The following MAML3 variants were observed in gnomAD, a reference collection of about 807,000 sequenced individuals.
The protein encoded by MAML3 is mastermind-like protein 3.
In MAML3, 27 loss-of-function variants were observed where a neutral mutation model predicts 101.9. That is an observed-to-expected ratio of 0.27 (90% CI 0.20 to 0.37). MAML3 has a LOEUF of 0.37. Ranked by LOEUF, MAML3 falls within the 10% of genes least tolerant of loss-of-function variation. The probability of loss-of-function intolerance (pLI) is 1.00; values close to 1 mark genes in which losing one functional copy is unlikely to be tolerated. For synonymous variants in MAML3, 501 were observed against 555.9 expected (o/e 0.90, Z 1.39); for missense variants, 1,316 against 1,444.9 (o/e 0.91, Z 1.45).
At chr4:139,895,797 G>T (rs1395266439) in intron 1 of MAML3, among the ~76,000 whole-genome samples, 1 of 152,236 alleles carries the variant, frequency 6.6e-6, no homozygotes, top group African/African-American at 2.4e-5. Flanking sequence ...AACAGCAGAG[G>T]CTAGATCGTT....
intron 1 of MAML3, among the ~76,000 whole-genome samples, chr4:140,076,340 C>G (rs542815830): frequency 6.6e-6 from 1 of 152,044 alleles, no homozygotes; most frequent in East Asian, 1.9e-4. Flanking sequence ...TAATTTTGTA[C>G]GTTCAAAGTG....
At chr4:140,006,280 G>A (rs1330962345) in intron 1 of MAML3, among the ~76,000 whole-genome samples, 1 of 152,080 alleles carries the variant, frequency 6.6e-6, no homozygotes, top group Non-Finnish European at 1.5e-5. Flanking sequence ...GTATTAGAGT[G>A]AACAAGAAGT....
intron 1 of MAML3, among the ~76,000 whole-genome samples, chr4:139,965,200 G>GT (rs34595097): frequency 0.022 from 3,118 of 139,262 alleles, 71 homozygotes; most frequent in African/African-American, 0.061. Flanking sequence ...CTCCCTGCTA[G>GT]TTTTTTTTTT....
chr4:139,861,388 C>T (rs17367750), intron 2 of MAML3, among the ~76,000 whole-genome samples: 40,677 of 151,772 alleles, frequency 0.27, 6,868 homozygotes, highest in East Asian at 0.68. Context: ...CTTGCCTCAC[C>T]ATCTGAAATT....
chr4:139,772,089 A>G (rs1448545241), intron 2 of MAML3, among the ~76,000 whole-genome samples: 1 of 151,252 alleles, frequency 6.6e-6, no homozygotes, highest in African/African-American at 2.4e-5. Context: ...AAATACAAAA[A>G]ATTAGCTGGG....
intron 2 of MAML3, among the ~76,000 whole-genome samples, chr4:139,801,313 T>C (rs1730600153): frequency 6.6e-6 from 1 of 152,214 alleles, no homozygotes; most frequent in South Asian, 2.1e-4. Flanking sequence ...GAATTATTTG[T>C]TTTTCATCTG....
At chr4:140,141,621 G>A (rs1177907167) in intron 1 of MAML3, among the ~76,000 whole-genome samples, 1 of 152,186 alleles carries the variant, frequency 6.6e-6, no homozygotes, top group African/African-American at 2.4e-5. Context: ...GAATGAGCAG[G>A]ACCTGGTTGA....
chr4:140,011,155 TTTATATATATG>T (rs1203657913), intron 1 of MAML3, among the ~76,000 whole-genome samples: 819 of 78,218 alleles, frequency 0.01, 10 homozygotes, highest in African/African-American at 0.032. Flanking sequence ...GTCATATATA[TTTATATATATG>T]ACATATATGT....
intron 1 of MAML3, among the ~76,000 whole-genome samples, chr4:140,101,850 A>AG (rs1728257446): frequency 7.1e-6 from 1 of 140,862 alleles, no homozygotes; most frequent in Admixed American, 7.2e-5. Flanking sequence ...TCAGCTGAGC[A>AG]TTTTTTTTTT....
chr4:140,010,977 T>A (rs577933830), intron 1 of MAML3, among the ~76,000 whole-genome samples: 3 of 151,316 alleles, frequency 2.0e-5, no homozygotes, highest in African/African-American at 7.3e-5. Context: ...GTGCCTGTAA[T>A]CCTGGTTAAC....
chr4:140,014,448 TTAAC>T (rs1726611961), intron 1 of MAML3, among the ~76,000 whole-genome samples: 2 of 152,336 alleles, frequency 1.3e-5, no homozygotes, highest in Non-Finnish European at 2.9e-5. Flanking sequence ...AAGGGACTGC[TTAAC>T]TAAACAATGG....
At chr4:139,923,948 C>T (rs1733175443) in intron 1 of MAML3, among the ~76,000 whole-genome samples, 1 of 152,166 alleles carries the variant, frequency 6.6e-6, no homozygotes, top group Non-Finnish European at 1.5e-5. Flanking sequence ...TAGTACCTTG[C>T]TATATCTCCA....
In MAML3 at chr4:139,718,080, A is replaced by AT. The variant is rs1350197208; in HGVS notation, c.*1242dup. 3 of 152,088 alleles carry AT rather than the reference A, an allele frequency of 2.0e-5. No homozygotes were observed. The highest frequency in any genetic ancestry group is 2.9e-5 in the Non-Finnish European group (2 of 68,004). 9.4% of individuals were successfully genotyped at this position (152,088 alleles called of 1,614,324 possible). A position where few individuals can be genotyped will look rare whatever the true frequency, so the allele number is the denominator to read the frequency against. ...TGAGTAGGGATGATGGGAAAGGTGG[A>AT]TTTTTAGAGCATCACTCCCAGGATT... On this transcript the variant is annotated 3_prime_UTR_variant, in exon 5 of 5. Transcript: ENST00000509479.
intron 2 of MAML3, among the ~76,000 whole-genome samples, chr4:139,775,121 T>A (rs1328395092): frequency 6.6e-6 from 1 of 152,186 alleles, no homozygotes; most frequent in African/African-American, 2.4e-5. Context: ...CTGCATGGTA[T>A]ATGATTCTCT....
intron 2 of MAML3, among the ~76,000 whole-genome samples, chr4:139,856,093 A>G (rs576232467): frequency 1.3e-5 from 2 of 152,162 alleles, no homozygotes; most frequent in Non-Finnish European, 2.9e-5. Context: ...CAAGAGACTA[A>G]AAGCTCCTGG....
intron 2 of MAML3, among the ~76,000 whole-genome samples, chr4:139,860,033 G>C (rs2604922): frequency 0.51 from 78,037 of 151,760 alleles, 21,731 homozygotes; most frequent in African/African-American, 0.72. Context: ...GGGCAGGCGC[G>C]GGCCTCAGCG....
At chr4:139,763,800 G>A (rs750802003) in intron 2 of MAML3, among the ~76,000 whole-genome samples, 1 of 152,168 alleles carries the variant, frequency 6.6e-6, no homozygotes, top group Non-Finnish European at 1.5e-5. Flanking sequence ...GAGCTATGGT[G>A]GGCAGAGTGC....
intron 1 of MAML3, among the ~76,000 whole-genome samples, chr4:140,122,375 C>T (rs1267228045): frequency 6.6e-6 from 1 of 152,006 alleles, no homozygotes; most frequent in Non-Finnish European, 1.5e-5. Context: ...CCTGAACCAC[C>T]ACACCCAGCT....
chr4:140,008,539 G>C (rs1390998639), intron 1 of MAML3, among the ~76,000 whole-genome samples: 1 of 152,122 alleles, frequency 6.6e-6, no homozygotes, highest in Non-Finnish European at 1.5e-5. Context: ...AAGGAACTAC[G>C]AAGTGGAACT....
Sources: gnomAD v4.1 joint callset for allele counts (sites outside exome capture counted in the v4.1 genomes callset) on GRCh38, gnomAD v4.1.1 for gene constraint, MANE v1.5 for transcripts, NCBI Gene and HGNC (gene_info 2026-07-23, HGNC 2026-07-21) for gene names.